PRMT9: variants seen among roughly 807,000 people sequenced by gnomAD.
PRMT9 encodes protein arginine methyltransferase 9, also known as protein arginine N-methyltransferase 9.
In PRMT9, 59 loss-of-function variants were observed where a neutral mutation model predicts 83.2. That is an observed-to-expected ratio of 0.71 (90% CI 0.57 to 0.88). PRMT9 has a LOEUF of 0.88. Ranked by LOEUF, PRMT9 falls within the 40% of genes least tolerant of loss-of-function variation. The pLI, the probability that PRMT9 is intolerant of heterozygous loss-of-function variation, is 0.00. For synonymous variants in PRMT9, 333 were observed against 353.2 expected, an observed-to-expected ratio of 0.94 and a Z score of 0.64; for missense variants, 947 against 1,021.9, an observed-to-expected ratio of 0.93 and a Z score of 1.00.
intron 2 of PRMT9, among the ~76,000 whole-genome samples, chr4:147,676,195 A>G (rs1189190933): frequency 6.6e-6 from 1 of 152,212 alleles, no homozygotes; most frequent in African/African-American, 2.4e-5. Context: ...AATGTCCTAC[A>G]ACAACAGGTC....
At chr4:147,656,771 C>CAAAAAAAAAAAAAAAAAAAAA (rs1023416920) in intron 8 of PRMT9, among the ~76,000 whole-genome samples, 7 of 47,944 alleles carry the variant, frequency 1.5e-4, no homozygotes, top group Admixed American at 3.2e-4. Context: ...GACTCTGTCT[C>CAAAAAAAAAAAAAAAAAAAAA]AAAAAAAAAA....
intron 6 of PRMT9, among the ~76,000 whole-genome samples, chr4:147,662,445 A>T (rs532220070): frequency 2.6e-5 from 4 of 152,170 alleles, no homozygotes; most frequent in Admixed American, 6.5e-5. Context: ...ACTTCATGAA[A>T]ATTCATCAAA....
intron 6 of PRMT9, among the ~76,000 whole-genome samples, chr4:147,663,347 T>A (rs1735102001): frequency 6.7e-6 from 1 of 150,314 alleles, no homozygotes; most frequent in Admixed American, 6.6e-5. Flanking sequence ...AGTCACAAGT[T>A]GAAACAAAAA....
chr4:147,658,235 T>C (rs1734674137), intron 7 of PRMT9, among the ~76,000 whole-genome samples: 1 of 151,726 alleles, frequency 6.6e-6, no homozygotes, highest in Non-Finnish European at 1.5e-5. Flanking sequence ...TAATATATTG[T>C]TGAATTGAAA....
intron 1 of PRMT9, among the ~76,000 whole-genome samples, chr4:147,683,194 T>A (rs922391506): frequency 6.6e-6 from 1 of 152,066 alleles, no homozygotes; most frequent in Non-Finnish European, 1.5e-5. Flanking sequence ...ACACACAATA[T>A]AACAAATCCA....
At chr4:147,674,963 G>A (rs1481656637) in intron 2 of PRMT9, among the ~76,000 whole-genome samples, 4 of 152,078 alleles carry the variant, frequency 2.6e-5, no homozygotes, top group Non-Finnish European at 5.9e-5. Context: ...TAAGCATTCT[G>A]CCAAGTTTAG....
intron 5 of PRMT9, among the ~76,000 whole-genome samples, 157 bp from the exon 6 acceptor site, chr4:147,668,802 T>C (rs1432816552): frequency 4.6e-5 from 7 of 152,164 alleles, no homozygotes; most frequent in African/African-American, 1.7e-4. Flanking sequence ...AAAAATATTT[T>C]TGGGCTGGGC....
chr4:147,676,240 T>C (rs775032423), intron 2 of PRMT9, among the ~76,000 whole-genome samples: 4 of 152,122 alleles, frequency 2.6e-5, no homozygotes, highest in Non-Finnish European at 5.9e-5. Context: ...GTATGTAGAG[T>C]TCCACTTTTC....
Position 147,654,148 on chromosome 4 carries a change from G to T in PRMT9, c.1749C>A (p.Tyr583Ter). Reference protein sequence around the residue: ...NTVQNILEPFYVLDVSEGFSV... With the variant: ...NTVQNILEPF ...AGAAGCCTTCGGACACATCTAACAC[G>T]TAGAAAGGTTCAAGGATGTTCTGTA... The change falls in exon 9 of 12, where the codon TAC (tyrosine) becomes TAA (stop). Residue 583 changes from tyrosine (Y) to a stop codon, truncating the protein, a stop_gained. Coordinates refer to ENST00000322396, the MANE Select transcript of PRMT9 (RefSeq NM_138364.4). LOFTEE classifies it high-confidence loss of function. 6.2e-7 allele frequency: 1 copy of T among 1,614,186 alleles called. No homozygotes were observed. The highest frequency in any genetic ancestry group is 8.5e-7 in the Non-Finnish European group (1 of 1,180,028).
At chr4:147,670,121 C>G (rs1735630066) in intron 5 of PRMT9, among the ~76,000 whole-genome samples, 1 of 152,122 alleles carries the variant, frequency 6.6e-6, no homozygotes, top group South Asian at 2.1e-4. Context: ...CTCATTCAGG[C>G]ACATAATTAT....
At chr4:147,664,924 G>A (rs1184155038) in intron 6 of PRMT9, among the ~76,000 whole-genome samples, 1 of 151,846 alleles carries the variant, frequency 6.6e-6, no homozygotes, top group African/African-American at 2.4e-5. Flanking sequence ...AGACCAACCT[G>A]GCCAACATGA....
intron 9 of PRMT9, among the ~76,000 whole-genome samples, chr4:147,645,828 G>C (rs1733691188): frequency 6.6e-6 from 1 of 152,172 alleles, no homozygotes; most frequent in African/African-American, 2.4e-5. Flanking sequence ...ACTCCTAAGT[G>C]TAATGGCACC....
chr4:147,682,618 C>G (rs1007043758), intron 1 of PRMT9, among the ~76,000 whole-genome samples: 1 of 152,238 alleles, frequency 6.6e-6, no homozygotes, highest in Non-Finnish European at 1.5e-5. Flanking sequence ...TCTAAATATA[C>G]TTTTAATACC....
At position 147,680,461 on chromosome 4, in the gene PRMT9, TG is replaced by T. The variant is rs1263482667; in HGVS notation, c.199del (p.Gln67SerfsTer36). ...ELKHDVKETF[Q>X]YTLFRWAEEL... ...TTCAGCCCATCTGAAAAGTGTGTAC[TG>T]AAAAGTTTCCTTTACAAATAAGAAA... On this transcript the variant is annotated frameshift_variant, in exon 2 of 12. Coordinates refer to ENST00000322396, the MANE Select transcript of PRMT9 (RefSeq NM_138364.4). LOFTEE classifies it high-confidence loss of function. 3 of 1,613,422 alleles carry T rather than the reference TG, an allele frequency of 1.9e-6. No individual in the cohort carries two copies. The Admixed American group carries it at 5.0e-5, about 27-fold the overall frequency.
chr4:147,655,676 G>A (rs535183447), intron 8 of PRMT9, among the ~76,000 whole-genome samples: 5 of 152,080 alleles, frequency 3.3e-5, no homozygotes, highest in African/African-American at 1.2e-4. Context: ...CAGAATAGCT[G>A]GGACTACAGG....
intron 2 of PRMT9, among the ~76,000 whole-genome samples, 173 bp downstream of exon 2, chr4:147,680,150 G>T (rs999050908): frequency 6.6e-6 from 1 of 152,116 alleles, no homozygotes; most frequent in African/African-American, 2.4e-5. Flanking sequence ...CTATTATGCC[G>T]TATATTACAA....
intron 8 of PRMT9, among the ~76,000 whole-genome samples, chr4:147,657,203 T>C (rs535535793): frequency 2.2e-4 from 34 of 152,196 alleles, no homozygotes; most frequent in African/African-American, 7.7e-4. Context: ...CATGAAATAA[T>C]GGAGCAGGAT....
intron 9 of PRMT9, among the ~76,000 whole-genome samples, chr4:147,652,454 C>CA (rs554211414): frequency 0.16 from 22,791 of 142,930 alleles, 2,510 homozygotes; most frequent in African/African-American, 0.32. Flanking sequence ...CCATCTCAAA[C>CA]AAAAAAAAAA....
At chr4:147,653,202 C>T (rs1734234241) in intron 9 of PRMT9, among the ~76,000 whole-genome samples, 1 of 152,068 alleles carries the variant, frequency 6.6e-6, no homozygotes, top group Admixed American at 6.6e-5. Flanking sequence ...AATCCCAGCA[C>T]TTTGGGAGGT....
Sources: allele counts gnomAD v4.1 joint callset (sites outside exome capture counted in the v4.1 genomes callset), GRCh38; gene constraint gnomAD v4.1.1; transcripts MANE v1.5; gene names NCBI Gene and HGNC (gene_info 2026-07-23, HGNC 2026-07-21).